Variants in SLC10A2 observed in about 807,000 individuals in gnomAD.
SLC10A2 encodes the protein solute carrier family 10 member 2.
Under a neutral mutation model 27.1 loss-of-function variants are expected in SLC10A2, and 34 were observed. The ratio of observed to expected loss-of-function variants is 1.26; its 90% CI spans 0.96 to 1.67. SLC10A2 has a LOEUF of 1.67. Among genes scored for constraint, SLC10A2 ranks in the 40% most tolerant of loss-of-function variants. The pLI is 0.00. For missense variants in SLC10A2, 530 were observed against 444.4 expected (o/e 1.19, Z -1.73); for synonymous variants, 205 against 174.0 (o/e 1.18, Z -1.40).
intron 2 of SLC10A2, among the ~76,000 whole-genome samples, chr13:103,053,404 C>A (rs1875847738): frequency 6.6e-6 from 1 of 152,132 alleles, no homozygotes; most frequent in South Asian, 2.1e-4. Flanking sequence ...CAGTAACATG[C>A]TCACCTGGCC....
chr13:103,057,963 A>T (rs961470503), intron 2 of SLC10A2, among the ~76,000 whole-genome samples: 37 of 152,182 alleles, frequency 2.4e-4, no homozygotes, highest in African/African-American at 8.9e-4. Flanking sequence ...GTTAAGGAAT[A>T]GGTGCAAGCT....
rs1300927298 is a variant in SLC10A2 at position 103,055,375 on chromosome 13, A to C, written c.497-2667T>G. ...GATGTCAGCATCTGAGGGGGCTCACAGGTGTTTACTGAATCACTGGAGCAT... is the reference window on the plus strand; with the variant it reads ...GATGTCAGCATCTGAGGGGGCTCACCGGTGTTTACTGAATCACTGGAGCAT... On this transcript the variant is annotated intron_variant, in intron 2 of 5. Coordinates refer to ENST00000245312, the MANE Select transcript of SLC10A2 (RefSeq NM_000452.3). 2.0e-5 allele frequency among the ~76,000 whole-genome samples: 3 copies of C among 152,324 alleles called. No homozygotes were observed. The East Asian group carries it at 5.8e-4, about 29-fold the overall frequency.
At chr13:103,047,424 A>G (rs1875644655) in intron 5 of SLC10A2, among the ~76,000 whole-genome samples, 1 of 152,104 alleles carries the variant, frequency 6.6e-6, no homozygotes, top group Non-Finnish European at 1.5e-5. Context: ...TTGAGCTGAG[A>G]GTCCCTCAGC....
At chr13:103,059,447 T>A (rs1305543889) in intron 1 of SLC10A2, among the ~76,000 whole-genome samples, 1 of 152,110 alleles carries the variant, frequency 6.6e-6, no homozygotes, top group Non-Finnish European at 1.5e-5. Context: ...CAAGAATCTG[T>A]CTCAACCTGT....
chr13:103,052,778 A>G, intron 2 of SLC10A2, 70 bp from the exon 3 acceptor site: 1 of 941,166 alleles, frequency 1.1e-6, no homozygotes, highest in African/African-American at 1.6e-5. Flanking sequence ...CAGAAGAACA[A>G]GCAGCCTGAA....
At position 103,065,858 on chromosome 13, in the gene SLC10A2, T is replaced by C. The variant is rs550614486; in HGVS notation, c.377+15A>G. ...CCAAGGTGATTGCAGTAGTTAGAGGTATAGATAATCTTACCTCAGGTCCAT... is the reference window on the plus strand; with the variant it reads ...CCAAGGTGATTGCAGTAGTTAGAGGCATAGATAATCTTACCTCAGGTCCAT... On this transcript the variant is annotated intron_variant, in intron 1 of 5. Transcript: ENST00000245312. The C allele has an allele frequency of 6.2e-7, 1 of 1,613,588 alleles. No individual in the cohort carries two copies. Among genetic ancestry groups the C allele is most frequent in the Non-Finnish European group, 8.5e-7 (1 of 1,179,970 alleles).
At position 103,059,368 on chromosome 13, in the gene SLC10A2, G is replaced by A. The variant is rs116529067; in HGVS notation, c.378-986C>T. Among the ~76,000 whole-genome samples, 124 of 152,278 alleles carry A rather than the reference G, an allele frequency of 8.1e-4. 2 individuals are homozygous for A. Among genetic ancestry groups the A allele is most frequent in the African/African-American group, 2.7e-3 (114 of 41,564 alleles). ...TTCTGCACAGCAAAGGAAACTATAA[G>A]CAGAGTAGACAAACAACCTCCCGAA... On this transcript the variant is annotated intron_variant, in intron 1 of 5. Coordinates refer to ENST00000245312, the MANE Select transcript of SLC10A2 (RefSeq NM_000452.3).
chr13:103,055,565 A>G (rs1162498738), intron 2 of SLC10A2, among the ~76,000 whole-genome samples: 1 of 152,192 alleles, frequency 6.6e-6, no homozygotes, highest in African/African-American at 2.4e-5. Flanking sequence ...TATGTTAAAG[A>G]ACTAGAAAAA....
At chr13:103,051,090 A>G (rs745500028) in intron 4 of SLC10A2, among the ~76,000 whole-genome samples, 167 bp downstream of exon 4, 1 of 152,180 alleles carries the variant, frequency 6.6e-6, no homozygotes, top group African/African-American at 2.4e-5. Flanking sequence ...GAAAGAATCA[A>G]TTCAGTGACA....
intron 3 of SLC10A2, among the ~76,000 whole-genome samples, chr13:103,051,943 ATT>A (rs11336918): frequency 6.6e-6 from 1 of 151,888 alleles, no homozygotes; most frequent in Non-Finnish European, 1.5e-5. Context: ...CACTGTTGTT[ATT>A]TTTTTTCTCC....
intron 2 of SLC10A2, among the ~76,000 whole-genome samples, chr13:103,054,658 C>T (rs1317716003): frequency 1.3e-5 from 2 of 152,122 alleles, no homozygotes; most frequent in African/African-American, 2.4e-5. Context: ...TAAGCAGCAC[C>T]ACCTGCTGAA....
intron 1 of SLC10A2, among the ~76,000 whole-genome samples, chr13:103,060,936 A>G (rs183865397): frequency 1.8e-4 from 28 of 152,296 alleles, no homozygotes; most frequent in East Asian, 1.5e-3. Flanking sequence ...ACAATGAGAA[A>G]TTTTGTTTCA....
intron 2 of SLC10A2, among the ~76,000 whole-genome samples, chr13:103,054,610 C>G (rs1195903173): frequency 6.6e-6 from 1 of 152,074 alleles, no homozygotes; most frequent in African/African-American, 2.4e-5. Flanking sequence ...TAAGAGTATT[C>G]ATCTTTTTGA....
intron 1 of SLC10A2, among the ~76,000 whole-genome samples, chr13:103,060,410 G>C (rs1198862690): frequency 6.9e-6 from 1 of 143,928 alleles, no homozygotes; most frequent in Non-Finnish European, 1.5e-5. Flanking sequence ...TTTTAAATAG[G>C]GTCTCTCTCT....
intron 1 of SLC10A2, among the ~76,000 whole-genome samples, chr13:103,059,165 T>C (rs530951824): frequency 1.3e-5 from 2 of 152,340 alleles, no homozygotes; most frequent in East Asian, 3.9e-4. Context: ...TGATGTGATA[T>C]GGCATTTCAT....
In SLC10A2 at chr13:103,045,382, G is replaced by A. The variant is rs1875579147; in HGVS notation, c.*751C>T. ...GCTCTTTGCCAAATACACACCGTTT[G>A]AAAGAATTATGTTTTTCCTTGGAAG... On this transcript the variant is annotated 3_prime_UTR_variant, in exon 6 of 6. Transcript: ENST00000245312. The A allele has an allele frequency of 1.3e-5, 2 of 152,222 alleles. No homozygotes were observed. The highest frequency in any genetic ancestry group is 4.8e-5 in the African/African-American group (2 of 41,428). The allele number at this position is 152,222 out of a possible 1,614,324, so 9.4% of individuals were successfully genotyped here. A position where few individuals can be genotyped will look rare whatever the true frequency, so the allele number is the denominator to read the frequency against.
chr13:103,063,351 G>A (rs1876182269), intron 1 of SLC10A2, among the ~76,000 whole-genome samples: 1 of 152,172 alleles, frequency 6.6e-6, no homozygotes, highest in Non-Finnish European at 1.5e-5. Context: ...CAGGTGGAAT[G>A]GTTTTGCTGG....
chr13:103,049,364 C>T lies in SLC10A2; in HGVS notation c.844G>A (p.Glu282Lys), dbSNP rs1325389584. 1 of 1,613,956 alleles carries T rather than the reference C, an allele frequency of 6.2e-7. No individual in the cohort carries two copies. Among genetic ancestry groups the T allele is most frequent in the Admixed American group, 1.7e-5 (1 of 60,008 alleles). The stretch of plus-strand genomic sequence containing the variant: ...GGGAAGGTGAATACGACATTGAGCT[C>T]CTCAGGAGTGAAGGAGAGCTGAACG... ...TIVQLSFTPE[E>K]LNVVFTFPLI... The change falls in exon 5 of 6, where the codon GAG (glutamate) becomes AAG (lysine). Residue 282 changes from glutamate (E) to lysine (K), a missense_variant. Physicochemically the swap from Glu to Lys is moderately conservative, Grantham distance 56 (BLOSUM62 1). Transcript: ENST00000245312.
intron 5 of SLC10A2, among the ~76,000 whole-genome samples, chr13:103,047,920 A>C (rs1234064007): frequency 6.6e-6 from 1 of 152,130 alleles, no homozygotes; most frequent in East Asian, 1.9e-4. Context: ...CAACGTTATT[A>C]TACAGAAAAC....
Sources: gnomAD v4.1 joint callset for allele counts (sites outside exome capture counted in the v4.1 genomes callset) on GRCh38, gnomAD v4.1.1 for gene constraint, MANE v1.5 for transcripts, NCBI Gene and HGNC (gene_info 2026-07-23, HGNC 2026-07-21) for gene names.